ABCA13: variants seen among roughly 807,000 people sequenced by gnomAD.
ABCA13 encodes the protein ATP-binding cassette sub-family A member 13.
ABCA13 carries 476 observed loss-of-function variants against 478.7 expected under a neutral mutation model. The observed-to-expected ratio is 0.99, with a 90% CI of 0.92 to 1.07. The LOEUF (loss-of-function observed/expected upper bound fraction) is 1.07, where lower values mean the gene tolerates loss of function less well. Ranked by LOEUF, ABCA13 falls within the 50% of genes least tolerant of loss-of-function variation. ABCA13 has a pLI of 0.00. For synonymous variants in ABCA13, 2,252 were observed against 2,158.9 expected (o/e 1.04, Z -1.20); for missense variants, 6,060 against 5,910.6 (o/e 1.03, Z -0.83).
chr7:48,474,568 A>G (rs1827871155), intron 45 of ABCA13, among the ~76,000 whole-genome samples: 1 of 152,180 alleles, frequency 6.6e-6, no homozygotes. Context: ...TCCTTTGGTA[A>G]GGAGTTTTTT....
rs576638395 is a variant in ABCA13 at position 48,323,409 on chromosome 7, A to G, written c.9999+6113A>G. On this transcript the variant is annotated intron_variant, in intron 27 of 61. Transcript: ENST00000435803. ...TAAATATACAAGGGAGATAGAGTAGACTGTATGCCAAGCCCTCTGCCCGCT... is the reference window on the plus strand; with the variant it reads ...TAAATATACAAGGGAGATAGAGTAGGCTGTATGCCAAGCCCTCTGCCCGCT... Among the ~76,000 whole-genome samples the G allele has an allele frequency of 3.3e-5, 5 of 152,324 alleles. No homozygotes were observed. The South Asian group carries it at 1.0e-3, about 32-fold the overall frequency.
At chr7:48,493,087 C>A (rs912795659) in intron 48 of ABCA13, among the ~76,000 whole-genome samples, 9 of 152,098 alleles carry the variant, frequency 5.9e-5, no homozygotes, top group African/African-American at 2.2e-4. Context: ...GTCATTAGAG[C>A]AGTTGATACT....
Position 48,338,408 on chromosome 7 carries a change from A to C in ABCA13, c.10157A>C (p.Gln3386Pro). 1 of 1,603,914 alleles carries C rather than the reference A, an allele frequency of 6.2e-7. No homozygotes were observed. The highest frequency in any genetic ancestry group is 1.1e-5 in the South Asian group (1 of 88,802). Residue 3386 changes from glutamine (Q) to proline (P), a missense_variant, in exon 29 of 62, where the codon CAG becomes CCG. Gln to Pro is a moderately conservative substitution (Grantham distance 76). This residue lies in a region of ABCA13 where 4,423 missense variants were observed against 4,309.1 expected (regional missense o/e 1.03). Coordinates refer to ENST00000435803, the MANE Select transcript of ABCA13 (RefSeq NM_152701.5). The part of the protein sequence containing the change: ...NKFVRNFVEN[Q>P]LHIDVDKLTE... ...TTTGTAAGAAACTTTGTAGAAAACC[A>C]GTTGCACATTGATGTAGACAAACTT... is the stretch of plus-strand genomic sequence containing the variant.
intron 27 of ABCA13, among the ~76,000 whole-genome samples, chr7:48,323,659 A>G (rs146549587): frequency 5.4e-4 from 83 of 152,316 alleles, no homozygotes; most frequent in African/African-American, 1.7e-3. Context: ...AAAGAGGATA[A>G]GTTAGCTTGA....
At chr7:48,314,182 ATTGTT>A in intron 25 of ABCA13, 45 bp from the exon 26 acceptor site, 1 of 1,570,436 alleles carries the variant, frequency 6.4e-7, no homozygotes, top group Non-Finnish European at 8.7e-7. Flanking sequence ...GTGTGAAGGA[ATTGTT>A]TTAAGTCACT....
chr7:48,524,208 A>C (rs1465704472), intron 53 of ABCA13, 40 bp from the exon 54 acceptor site: 2 of 1,573,020 alleles, frequency 1.3e-6, no homozygotes, highest in African/African-American at 2.7e-5. Context: ...TTCTGGTATC[A>C]TTTGCTAGGT....
At position 48,239,394 on chromosome 7, in the gene ABCA13, G is replaced by A. The variant is rs1440624235; in HGVS notation, c.1051G>A (p.Val351Ile). The A allele has an allele frequency of 2.5e-6, 4 of 1,613,056 alleles. No individual in the cohort carries two copies. The highest frequency in any genetic ancestry group is 1.7e-6 in the Non-Finnish European group (2 of 1,179,332). Reference protein sequence around the residue: ...YLVHAVSWLRVYQQVFVQWQQ... With the variant: ...YLVHAVSWLRIYQQVFVQWQQ... The stretch of plus-strand genomic sequence containing the variant: ...TGTCCATGCAGTCAGCTGGCTGCGA[G>A]TCTACCAACAGGTGCTGTCCCCTCT... The change falls in exon 9 of 62, where the codon GTC becomes ATC. Residue 351 changes from valine to isoleucine, a missense_variant. Val to Ile is a conservative substitution (Grantham distance 29). Transcript: ENST00000435803.
intron 20 of ABCA13, among the ~76,000 whole-genome samples, chr7:48,292,911 T>C (rs574583659): frequency 1.3e-4 from 20 of 152,316 alleles, no homozygotes; most frequent in Middle Eastern, 6.8e-3. Flanking sequence ...GCCTGGCACT[T>C]GGCAGGTGCT....
At chr7:48,465,437 C>T (rs910141750) in intron 43 of ABCA13, among the ~76,000 whole-genome samples, 1 of 151,728 alleles carries the variant, frequency 6.6e-6, no homozygotes, top group Admixed American at 6.6e-5. Context: ...ATATTTTGGA[C>T]TCAATTATTT....
intron 55 of ABCA13, among the ~76,000 whole-genome samples, chr7:48,552,230 G>A (rs1394770826): frequency 6.6e-6 from 1 of 151,560 alleles, no homozygotes; most frequent in Non-Finnish European, 1.5e-5. Flanking sequence ...TGGGTTTTAT[G>A]TTTCTATTTC....
intron 31 of ABCA13, among the ~76,000 whole-genome samples, chr7:48,357,547 T>C (rs1207861536): frequency 6.6e-6 from 1 of 152,012 alleles, no homozygotes; most frequent in African/African-American, 2.4e-5. Flanking sequence ...TGGTTTCTCA[T>C]TAAAACCTCA....
At chr7:48,551,048 C>A (rs1462878039) in intron 55 of ABCA13, among the ~76,000 whole-genome samples, 1 of 151,546 alleles carries the variant, frequency 6.6e-6, no homozygotes, top group Non-Finnish European at 1.5e-5. Context: ...CTAAATAAAT[C>A]ATTTTTTCTT....
chr7:48,309,870 A>T (rs1338901416), intron 23 of ABCA13, 77 bp from the exon 24 acceptor site: 1 of 1,541,082 alleles, frequency 6.5e-7, no homozygotes, highest in Non-Finnish European at 8.9e-7. Flanking sequence ...CTCCCTGCCG[A>T]TGAAGCTCCG....
chr7:48,595,370 C>A (rs1008662990), intron 58 of ABCA13, among the ~76,000 whole-genome samples: 3 of 152,166 alleles, frequency 2.0e-5, no homozygotes, highest in Non-Finnish European at 4.4e-5. Flanking sequence ...GGGGAGTGAG[C>A]AATATGATTT....
At chr7:48,241,375 C>T (rs532314630) in intron 10 of ABCA13, among the ~76,000 whole-genome samples, 114 of 152,290 alleles carry the variant, frequency 7.5e-4, no homozygotes, top group African/African-American at 2.7e-3. Flanking sequence ...AAATTCATTT[C>T]GGAGGCATTT....
intron 45 of ABCA13, among the ~76,000 whole-genome samples, chr7:48,475,821 C>A (rs1356406882): frequency 6.6e-6 from 1 of 152,032 alleles, no homozygotes; most frequent in Admixed American, 6.6e-5. Context: ...CAAAAAGGTT[C>A]CATGGTTAGT....
chr7:48,524,206 T>G lies in ABCA13; in HGVS notation c.14052-42T>G, dbSNP rs1334441539. 3 of 1,565,406 alleles carry G rather than the reference T, an allele frequency of 1.9e-6. No homozygotes were observed. The South Asian group carries it at 3.5e-5, about 18-fold the overall frequency. ...TTGCCTCTTCTAGACTATTCTGGTA[T>G]CATTTGCTAGGTGTGAATTCACTCT... On this transcript the variant is annotated intron_variant, in intron 53 of 61. Transcript: ENST00000435803.
intron 3 of ABCA13, among the ~76,000 whole-genome samples, chr7:48,210,237 A>C (rs1390505936): frequency 3.9e-5 from 6 of 152,094 alleles, no homozygotes; most frequent in Non-Finnish European, 8.8e-5. Context: ...CAAAGGGGGA[A>C]AAAGCCCCTT....
chr7:48,282,131 G>T (rs1158245797), intron 19 of ABCA13, among the ~76,000 whole-genome samples: 1 of 152,194 alleles, frequency 6.6e-6, no homozygotes, highest in African/African-American at 2.4e-5. Flanking sequence ...TATTGTAAAT[G>T]AATTAATTCA....
Sources: allele counts gnomAD v4.1 joint callset (sites outside exome capture counted in the v4.1 genomes callset), GRCh38; gene constraint gnomAD v4.1.1; regional missense constraint gnomAD v4.1.1; transcripts MANE v1.5; gene names NCBI Gene and HGNC (gene_info 2026-07-23, HGNC 2026-07-21).